Variants in ALG6 observed in about 807,000 individuals in gnomAD.
The protein encoded by ALG6 is dolichyl pyrophosphate Man9GlcNAc2 alpha-1,3-glucosyltransferase.
In ALG6, 46 loss-of-function variants were observed where a neutral mutation model predicts 66.6. The observed-to-expected ratio is 0.69, with a 90% confidence interval of 0.55 to 0.88. The LOEUF (loss-of-function observed/expected upper bound fraction) is 0.88, where lower values mean the gene tolerates loss of function less well. Among genes scored for constraint, ALG6 ranks in the 40% least tolerant of loss-of-function variants. The pLI is 0.00. For missense variants in ALG6, 505 were observed against 586.8 expected, an observed-to-expected ratio of 0.86 and a Z score of 1.44; for synonymous variants, 185 against 203.7, an observed-to-expected ratio of 0.91 and a Z score of 0.78.
chr1:63,432,866 A>C (rs565481749), intron 14 of ALG6, among the ~76,000 whole-genome samples: 2 of 152,336 alleles, frequency 1.3e-5, no homozygotes, highest in South Asian at 4.1e-4. Context: ...TCCTGGGCCC[A>C]AGTGATCCTC....
At position 63,437,206 on chromosome 1, in the gene ALG6, A is replaced by T. The variant is rs1644689142; in HGVS notation, c.*186A>T. 1 of 570,742 alleles carries T rather than the reference A, an allele frequency of 1.8e-6. No homozygotes were observed. The allele number at this position is 570,742 out of a possible 1,614,324, so 35.4% of individuals were successfully genotyped here. ...TAAATGTATATGGAGACCAAAGACC[A>T]ATGGAGGCTTGTCTAAGTACTGCTT... On this transcript the variant is annotated 3_prime_UTR_variant, in exon 15 of 15. Coordinates refer to ENST00000263440, the MANE Select transcript of ALG6 (RefSeq NM_013339.4).
In ALG6 at chr1:63,436,834, AG is replaced by A. The variant is rs1644681705; in HGVS notation, c.1339del (p.Val447SerfsTer7). ...TTTTTTCCTTGCAGTTTCTTATCTCAGTCATCACTATGGTGCTTCTGACGTT... is the reference window on the plus strand; with the variant it reads ...TTTTTTCCTTGCAGTTTCTTATCTCATCATCACTATGGTGCTTCTGACGTT... ...RIIQYLFLIS[V>X]ITMVLLTLMT... On this transcript the variant is annotated frameshift_variant, in exon 15 of 15. Transcript: ENST00000263440. LOFTEE classifies it high-confidence loss of function. 6.2e-7 allele frequency: 1 copy of A among 1,613,618 alleles called. No homozygotes were observed. The highest frequency in any genetic ancestry group is 1.3e-5 in the African/African-American group (1 of 74,880).
At chr1:63,422,182 T>TCTATATAA (rs1644579553) in intron 12 of ALG6, among the ~76,000 whole-genome samples, 1 of 86,676 alleles carries the variant, frequency 1.2e-5, no homozygotes, top group African/African-American at 5.1e-5. Flanking sequence ...AATTTATATT[T>TCTATATAA]ATATAAATAT....
intron 12 of ALG6, among the ~76,000 whole-genome samples, chr1:63,422,184 TATAA>T (rs1644579662): frequency 1.6e-5 from 2 of 126,728 alleles, no homozygotes; most frequent in South Asian, 4.4e-4. Flanking sequence ...TTTATATTTA[TATAA>T]ATATATATCT....
At chr1:63,404,381 T>C in intron 4 of ALG6, 72 bp from the exon 5 acceptor site, 2 of 1,200,948 alleles carry the variant, frequency 1.7e-6, no homozygotes, top group East Asian at 4.7e-5. Flanking sequence ...AATACATTCA[T>C]ATATCCTTCA....
At chr1:63,411,882 C>T in intron 8 of ALG6, 44 bp from the exon 9 acceptor site, 1 of 1,613,562 alleles carries the variant, frequency 6.2e-7, no homozygotes, top group Non-Finnish European at 8.5e-7. Context: ...TGCAGAATTA[C>T]TGACCTTTCC....
intron 14 of ALG6, among the ~76,000 whole-genome samples, chr1:63,432,259 T>G (rs1557598536): frequency 3.2e-5 from 1 of 31,402 alleles, no homozygotes; most frequent in Non-Finnish European, 5.5e-5. Context: ...TGGTCATGTG[T>G]GTTTTTTTTC....
chr1:63,435,192 T>C (rs902021810), intron 14 of ALG6, among the ~76,000 whole-genome samples: 20 of 152,190 alleles, frequency 1.3e-4, no homozygotes, highest in Non-Finnish European at 2.2e-4. Context: ...CAAGTGTAAA[T>C]AGGAGCAGAC....
At position 63,406,335 on chromosome 1, in the gene ALG6, T is replaced by A; in HGVS notation, c.365T>A (p.Leu122Gln). ...TTTTCAGTTTTAATTGCTGATCTGCTGATTTACATACCTGCAGTGGTTTTG... is the reference window on the plus strand; with the variant it reads ...TTTTCAGTTTTAATTGCTGATCTGCAGATTTACATACCTGCAGTGGTTTTG... ...MRTTVLIADLLIYIPAVVLYC... is the reference protein window; with the variant it reads ...MRTTVLIADLQIYIPAVVLYC... Residue 122 changes from leucine to glutamine, a missense_variant, in exon 6 of 15, where the codon CTG becomes CAG. Physicochemically the swap from Leu to Gln is moderately radical, Grantham distance 113 (BLOSUM62 -2). Transcript: ENST00000263440. The A allele has an allele frequency of 6.2e-7, 1 of 1,613,306 alleles. No homozygotes were observed. Among genetic ancestry groups the A allele is most frequent in the Non-Finnish European group, 8.5e-7 (1 of 1,179,486 alleles).
Position 63,432,245 on chromosome 1 carries a change from T to A in ALG6, c.1326+3119T>A, listed in dbSNP as rs141146605. Among the ~76,000 whole-genome samples, 304 of 139,468 alleles carry A rather than the reference T, an allele frequency of 2.2e-3. 2 individuals are homozygous for A. Among genetic ancestry groups the A allele is most frequent in the African/African-American group, 7.9e-3 (290 of 36,574 alleles). 91.5% of individuals were successfully genotyped at this position (139,468 alleles called of 152,430 possible). On this transcript the variant is annotated intron_variant, in intron 14 of 14. Transcript: ENST00000263440. ...GATTCTGTCTAATTCTTTTTCTGCA[T>A]CTTTGGTCATGTGTGTTTTTTTTCT...
Position 63,437,196 on chromosome 1 carries a change from A to C in ALG6, c.*176A>C. The C allele has an allele frequency of 1.7e-6, 1 of 596,128 alleles. No individual in the cohort carries two copies. The highest frequency in any genetic ancestry group is 2.9e-6 in the Non-Finnish European group (1 of 345,666). The allele number at this position is 596,128 out of a possible 1,614,324, so 36.9% of individuals were successfully genotyped here. A position where few individuals can be genotyped will look rare whatever the true frequency, so the allele number is the denominator to read the frequency against. ...CTACACAAAATAAATGTATATGGAG[A>C]CCAAAGACCAATGGAGGCTTGTCTA... On this transcript the variant is annotated 3_prime_UTR_variant, in exon 15 of 15. Transcript: ENST00000263440.
At chr1:63,419,644 A>G (rs1056091060) in intron 12 of ALG6, among the ~76,000 whole-genome samples, 2 of 152,180 alleles carry the variant, frequency 1.3e-5, no homozygotes, top group African/African-American at 2.4e-5. Context: ...GTAGAATGTT[A>G]TTGACATAAT....
chr1:63,422,955 C>CA (rs985325062), intron 12 of ALG6, among the ~76,000 whole-genome samples: 4 of 148,158 alleles, frequency 2.7e-5, no homozygotes, highest in Non-Finnish European at 6.0e-5. Context: ...AACTCCGTCT[C>CA]AAAAAACAAA....
intron 14 of ALG6, among the ~76,000 whole-genome samples, chr1:63,432,821 C>T (rs978330350): frequency 1.3e-5 from 2 of 152,196 alleles, no homozygotes; most frequent in African/African-American, 4.8e-5. Context: ...GGCGGGAGTG[C>T]GGTGGTGCAT....
intron 2 of ALG6, among the ~76,000 whole-genome samples, chr1:63,372,674 T>C (rs1459667867): frequency 6.6e-6 from 1 of 152,126 alleles, no homozygotes; most frequent in Non-Finnish European, 1.5e-5. Flanking sequence ...ATCGTAGCTT[T>C]TTTTTGAGAA....
intron 5 of ALG6, among the ~76,000 whole-genome samples, chr1:63,405,089 ACTTATG>A (rs1282237971): frequency 1.3e-5 from 2 of 152,074 alleles, no homozygotes; most frequent in East Asian, 3.9e-4. Flanking sequence ...GCTTTACATG[ACTTATG>A]CTTTAATGCT....
chr1:63,397,300 C>T (rs1648854861), intron 3 of ALG6, among the ~76,000 whole-genome samples: 1 of 152,084 alleles, frequency 6.6e-6, no homozygotes, highest in African/African-American at 2.4e-5. Context: ...ATTCTCCTGC[C>T]TCAGCCTCCC....
intron 12 of ALG6, 21 bp from the exon 13 acceptor site, chr1:63,428,712 T>C (rs770415732): frequency 6.6e-7 from 1 of 1,506,138 alleles, no homozygotes; most frequent in Admixed American, 1.7e-5. Flanking sequence ...TATTAAAATA[T>C]TTTTTTCTTT....
chr1:63,371,297 C>A, intron 2 of ALG6: 1 of 503,816 alleles, frequency 2.0e-6, no homozygotes, highest in South Asian at 2.1e-5. Context: ...GGTAAGATGA[C>A]AAATTGAGAA....
Sources: gnomAD v4.1 joint callset for allele counts (sites outside exome capture counted in the v4.1 genomes callset) on GRCh38, gnomAD v4.1.1 for gene constraint, MANE v1.5 for transcripts, NCBI Gene and HGNC (gene_info 2026-07-23, HGNC 2026-07-21) for gene names.